ERC1: variants seen among roughly 807,000 people sequenced by gnomAD.
ERC1 encodes the protein RAB6 interacting protein 2.
A neutral mutation model predicts 132.0 loss-of-function variants in ERC1; 56 were observed. That is an observed-to-expected ratio of 0.42 (90% CI 0.34 to 0.53). The LOEUF is 0.53. Among genes scored for constraint, ERC1 ranks in the 20% least tolerant of loss-of-function variants. ERC1 has a pLI of 0.03. For missense variants in ERC1, 1,202 were observed against 1,349.9 expected, an observed-to-expected ratio of 0.89 and a Z score of 1.72; for synonymous variants, 478 against 476.1, an observed-to-expected ratio of 1.00 and a Z score of -0.05.
In ERC1 at chr12:1,189,889, A is replaced by G. The variant is rs745341678; in HGVS notation, c.2188A>G (p.Ser730Gly). 1.9e-6 allele frequency: 3 copies of G among 1,611,016 alleles called. No individual in the cohort carries two copies. The South Asian group carries it at 3.3e-5, about 18-fold the overall frequency. Residue 730 changes from serine (S) to glycine (G), a missense_variant, in exon 12 of 19, where the codon AGT becomes GGT. By Grantham distance (56) the Ser-to-Gly change is moderately conservative. Coordinates refer to ENST00000360905, the MANE Select transcript of ERC1 (RefSeq NM_178040.4). ...AHEAALEARA[S>G]PEMSDRIQHL... Reference sequence around the variant, plus strand: ...TGAGGCAGCATTGGAAGCCAGAGCCAGTCCAGAGATGAGTGACCGAATACA... The same window carrying G: ...TGAGGCAGCATTGGAAGCCAGAGCCGGTCCAGAGATGAGTGACCGAATACA...
chr12:1,493,581 A>T lies in ERC1; in HGVS notation c.*3351A>T. The T allele has an allele frequency of 7.8e-6, 1 of 127,804 alleles. No homozygotes were observed. The highest frequency in any genetic ancestry group is 2.0e-4 in the East Asian group (1 of 5,084). The allele number at this position is 127,804 out of a possible 1,614,324, so 7.9% of individuals were successfully genotyped here. A position where few individuals can be genotyped will look rare whatever the true frequency, so the allele number is the denominator to read the frequency against. On this transcript the variant is annotated 3_prime_UTR_variant, in exon 19 of 19. Coordinates refer to ENST00000360905, the MANE Select transcript of ERC1 (RefSeq NM_178040.4). ...TATATATATATATATATATATATGG[A>T]TGGGAATCACCAAATTCATCTCAGC... is the stretch of plus-strand genomic sequence containing the variant.
chr12:1,299,749 G>A (rs893729598), intron 15 of ERC1, among the ~76,000 whole-genome samples: 1 of 152,130 alleles, frequency 6.6e-6, no homozygotes, highest in Non-Finnish European at 1.5e-5. Flanking sequence ...CCTACCAAAT[G>A]GATCAAGGGA....
At chr12:1,044,033 A>G (rs1231195451) in intron 2 of ERC1, among the ~76,000 whole-genome samples, 6 of 152,120 alleles carry the variant, frequency 3.9e-5, no homozygotes, top group African/African-American at 1.4e-4. Flanking sequence ...GCATTTCAGG[A>G]TAGTGAAGGG....
chr12:1,396,899 A>G (rs1391855407), intron 16 of ERC1, among the ~76,000 whole-genome samples: 1 of 152,146 alleles, frequency 6.6e-6, no homozygotes, highest in African/African-American at 2.4e-5. Context: ...GTTCAGTCAA[A>G]CGCCTACCAG....
rs1253774218 is a variant in ERC1 at position 1,236,764 on chromosome 12, A to G, written c.2352-5A>G. The G allele has an allele frequency of 1.2e-6, 2 of 1,612,588 alleles. No homozygotes were observed. The highest frequency in any genetic ancestry group is 1.7e-5 in the Admixed American group (1 of 59,776). On this transcript the variant is annotated splice_region_variant and splice_polypyrimidine_tract_variant and intron_variant, in intron 12 of 18. Coordinates refer to ENST00000360905, the MANE Select transcript of ERC1 (RefSeq NM_178040.4). Reference sequence around the variant, plus strand: ...AAAGCTTGATTTTTCTCCTTCTGTCATTAGGCAAGTGAAAGACCAGAATAA... The same window carrying G: ...AAAGCTTGATTTTTCTCCTTCTGTCGTTAGGCAAGTGAAAGACCAGAATAA...
chr12:1,123,818 A>G (rs7134989), intron 7 of ERC1, among the ~76,000 whole-genome samples: 35,416 of 152,114 alleles, frequency 0.23, 4,394 homozygotes, highest in African/African-American at 0.3. Flanking sequence ...AACATAGTGA[A>G]ACCCTGTCTC....
At chr12:1,022,062 T>G (rs1159150830) in intron 1 of ERC1, among the ~76,000 whole-genome samples, 2 of 152,204 alleles carry the variant, frequency 1.3e-5, no homozygotes, top group African/African-American at 2.4e-5. Flanking sequence ...TCTGTTCTAT[T>G]TATCTGTTTA....
chr12:1,013,518 G>T (rs940267213), intron 1 of ERC1, among the ~76,000 whole-genome samples: 6 of 151,968 alleles, frequency 3.9e-5, no homozygotes, highest in Non-Finnish European at 8.8e-5. Context: ...CCAAGCAGAG[G>T]TGGCCTTTCA....
intron 13 of ERC1, among the ~76,000 whole-genome samples, chr12:1,254,547 C>G (rs1470525273): frequency 2.0e-5 from 3 of 151,960 alleles, no homozygotes; most frequent in Non-Finnish European, 2.9e-5. Flanking sequence ...AAGTCTTACT[C>G]CCTCTCCCAG....
chr12:1,153,711 G>A (rs1023603596), intron 8 of ERC1, among the ~76,000 whole-genome samples: 25 of 152,306 alleles, frequency 1.6e-4, no homozygotes, highest in African/African-American at 5.5e-4. Context: ...TGCCAAGCGG[G>A]GCAGGTGTTC....
intron 12 of ERC1, among the ~76,000 whole-genome samples, chr12:1,216,603 G>A (rs891604904): frequency 2.1e-5 from 3 of 139,840 alleles, no homozygotes; most frequent in South Asian, 2.7e-4. Context: ...TGGTGGGGTC[G>A]GGGAGGAGGG....
chr12:1,468,611 A>G (rs73599999), intron 18 of ERC1, among the ~76,000 whole-genome samples: 2,509 of 151,746 alleles, frequency 0.017, 68 homozygotes, highest in African/African-American at 0.058. Context: ...AAAAAGAAAG[A>G]CAGAAAAAGA....
At position 1,028,520 on chromosome 12, in the gene ERC1, C is replaced by A; in HGVS notation, c.617C>A (p.Ser206Tyr). 6.2e-7 allele frequency: 1 copy of A among 1,614,044 alleles called. No individual in the cohort carries two copies. The highest frequency in any genetic ancestry group is 8.5e-7 in the Non-Finnish European group (1 of 1,180,028). ...KERALRKDEA[S>Y]KITIWKEQYR... is the part of the protein sequence containing the mutation. Reference sequence around the variant, plus strand: ...CGAGCCCTGAGAAAAGATGAAGCTTCCAAAATCACCATTTGGAAGGAACAG... The same window carrying A: ...CGAGCCCTGAGAAAAGATGAAGCTTACAAAATCACCATTTGGAAGGAACAG... The change falls in exon 2 of 19, where the codon TCC becomes TAC. Residue 206 changes from serine (S) to tyrosine (Y), a missense_variant. Coordinates refer to ENST00000360905, the MANE Select transcript of ERC1 (RefSeq NM_178040.4).
chr12:1,209,934 C>T (rs988754467), intron 12 of ERC1, among the ~76,000 whole-genome samples: 3 of 152,128 alleles, frequency 2.0e-5, no homozygotes, highest in Non-Finnish European at 4.4e-5. Context: ...ATCAAGGTGA[C>T]CGTTTTGCCT....
At chr12:1,250,316 T>C (rs929603647) in intron 13 of ERC1, among the ~76,000 whole-genome samples, 1 of 152,246 alleles carries the variant, frequency 6.6e-6, no homozygotes, top group Non-Finnish European at 1.5e-5. Context: ...GGACTTGTTA[T>C]TGCCTTATCC....
intron 15 of ERC1, among the ~76,000 whole-genome samples, chr12:1,306,174 T>C (rs1424612993): frequency 6.6e-6 from 1 of 152,232 alleles, no homozygotes; most frequent in East Asian, 1.9e-4. Context: ...AGTTCCATTC[T>C]ACCTCATGAT....
intron 15 of ERC1, among the ~76,000 whole-genome samples, chr12:1,331,657 G>A (rs1405410366): frequency 6.6e-6 from 1 of 152,158 alleles, no homozygotes; most frequent in Non-Finnish European, 1.5e-5. Flanking sequence ...GTGAGTACAC[G>A]ATTGCAGTTC....
At position 1,247,943 on chromosome 12, in the gene ERC1, C is replaced by T. The variant is rs147427879; in HGVS notation, c.2487+11039C>T. Among the ~76,000 whole-genome samples, 1,269 of 152,226 alleles carry T rather than the reference C, an allele frequency of 8.3e-3. 11 individuals carry two copies. Among genetic ancestry groups the T allele is most frequent in the Non-Finnish European group, 0.013 (909 of 68,008 alleles). ...CCTGGGAGGTGGAGGTTGCGGTGAGCCGAGATCATGCAACTGCACTCTAGC... is the reference window on the plus strand; with the variant it reads ...CCTGGGAGGTGGAGGTTGCGGTGAGTCGAGATCATGCAACTGCACTCTAGC... On this transcript the variant is annotated intron_variant, in intron 13 of 18. Transcript: ENST00000360905.
rs369366225 is a variant in ERC1 at position 1,056,207 on chromosome 12, C to T, written c.670-26957C>T. On this transcript the variant is annotated intron_variant, in intron 2 of 18. Coordinates refer to ENST00000360905, the MANE Select transcript of ERC1 (RefSeq NM_178040.4). ...TCTTTTTATCTGTAATTCCTTTTTC[C>T]CCCGTAATGAACACGTTTCTAGTGT... is the stretch of plus-strand genomic sequence containing the variant. Among the ~76,000 whole-genome samples the T allele has an allele frequency of 6.6e-5, 10 of 150,986 alleles. 1 individual carries two copies. The South Asian group carries it at 1.0e-3, about 16-fold the overall frequency.
Sources: allele counts gnomAD v4.1 joint callset (sites outside exome capture counted in the v4.1 genomes callset), GRCh38; gene constraint gnomAD v4.1.1; transcripts MANE v1.5; gene names NCBI Gene and HGNC (gene_info 2026-07-23, HGNC 2026-07-21).